The following TIAM1 variants were observed in gnomAD, a reference collection of about 807,000 sequenced individuals.
The protein encoded by TIAM1 is rho guanine nucleotide exchange factor TIAM1.
Under a neutral mutation model 163.5 loss-of-function variants are expected in TIAM1, and 65 were observed. That is an observed-to-expected ratio of 0.40 (90% confidence interval 0.33 to 0.49). TIAM1 has a LOEUF of 0.49. TIAM1 is among the 20% of genes least tolerant of loss of function. The pLI, the probability that TIAM1 is intolerant of heterozygous loss-of-function variation, is 0.77. For missense variants in TIAM1, 1,789 were observed against 2,044.7 expected, an observed-to-expected ratio of 0.87 and a Z score of 2.41; for synonymous variants, 833 against 810.1, an observed-to-expected ratio of 1.03 and a Z score of -0.48.
In TIAM1 at chr21:31,359,854, A is replaced by AAGGG. The variant is rs1491438372; in HGVS notation, c.-368-20433_-368-20432insCCCT. Reference sequence around the variant, plus strand: ...GAAGGAAGGAAGGAAGGAAGGAAGGAAGGAAGGAAGGGAGGGAGGGAGGAA... The same window carrying AAGGG: ...GAAGGAAGGAAGGAAGGAAGGAAGGAAGGGAGGAAGGAAGGGAGGGAGGGAGGAA... On this transcript the variant is annotated intron_variant, in intron 2 of 28. Coordinates refer to the TIAM1 transcript ENST00000286827. 8.6e-5 allele frequency among the ~76,000 whole-genome samples: 8 copies of AAGGG among 92,530 alleles called. No individual in the cohort carries two copies. The East Asian group carries it at 1.8e-3, about 21-fold the overall frequency. 60.7% of individuals were successfully genotyped at this position (92,530 alleles called of 152,430 possible). A position where few individuals can be genotyped will look rare whatever the true frequency, so the allele number is the denominator to read the frequency against.
intron 2 of TIAM1, among the ~76,000 whole-genome samples, chr21:31,458,228 T>A (rs958351571): frequency 3.9e-5 from 6 of 152,102 alleles, no homozygotes; most frequent in African/African-American, 1.4e-4. Flanking sequence ...AAGACCAGCC[T>A]AGCCAACATA....
intron 2 of TIAM1, among the ~76,000 whole-genome samples, chr21:31,447,914 G>A (rs1569339737): frequency 6.6e-6 from 1 of 152,186 alleles, no homozygotes; most frequent in Non-Finnish European, 1.5e-5. Flanking sequence ...GAGAGCAATG[G>A]TGGAGTTCCA....
At position 31,487,974 on chromosome 21, in the gene TIAM1, G is replaced by A. The variant is rs563385014; in HGVS notation, c.-421-23939C>T. On this transcript the variant is annotated intron_variant, in intron 1 of 28. Coordinates refer to the TIAM1 transcript ENST00000286827. ...CCCAAAGTGCTAGGATTACAGGCACGAGCCACTGCGCCCGGCCACTTGATC... is the reference window on the plus strand; with the variant it reads ...CCCAAAGTGCTAGGATTACAGGCACAAGCCACTGCGCCCGGCCACTTGATC... Among the ~76,000 whole-genome samples, 186 of 152,216 alleles carry A rather than the reference G, an allele frequency of 1.2e-3. 2 individuals are homozygous for A. Among genetic ancestry groups the A allele is most frequent in the African/African-American group, 4.1e-3 (171 of 41,534 alleles).
rs557905371 is a variant in TIAM1, at chr21:31,181,856, C to T, written c.2887+565G>A. Among the ~76,000 whole-genome samples the T allele has an allele frequency of 1.6e-3, 218 of 137,922 alleles. 1 individual carries two copies. The highest frequency in any genetic ancestry group is 2.0e-3 in the Non-Finnish European group (133 of 65,462). 90.5% of individuals were successfully genotyped at this position (137,922 alleles called of 152,430 possible). On this transcript the variant is annotated intron_variant, in intron 15 of 27. Coordinates refer to ENST00000541036, the MANE Select transcript of TIAM1 (RefSeq NM_001353694.2). ...CTGGAATGCAGCAGTGCAATCACAG[C>T]TTACTGCAGCCTCAAACTCCTGGGC...
At chr21:31,181,353 C>T (rs1326289017) in intron 15 of TIAM1, among the ~76,000 whole-genome samples, 1 of 152,008 alleles carries the variant, frequency 6.6e-6, no homozygotes, top group African/African-American at 2.4e-5. Context: ...CTAATGAGGG[C>T]CCATATGGAA....
intron 2 of TIAM1, among the ~76,000 whole-genome samples, chr21:31,388,246 C>A (rs926344320): frequency 1.1e-5 from 1 of 88,336 alleles, no homozygotes; most frequent in African/African-American, 4.1e-5. Flanking sequence ...CACACACACA[C>A]ACACACACAC....
At chr21:31,230,224 T>A (rs1033522868) in intron 6 of TIAM1, among the ~76,000 whole-genome samples, 10 of 152,198 alleles carry the variant, frequency 6.6e-5, no homozygotes, top group African/African-American at 1.2e-4. Context: ...GATAGAAAGA[T>A]CTGAAATTTC....
Position 31,153,047 on chromosome 21 carries a change from G to GA in TIAM1, c.3240+18dup. 6.2e-7 allele frequency: 1 copy of GA among 1,609,080 alleles called. No homozygotes were observed. The highest frequency in any genetic ancestry group is 8.5e-7 in the Non-Finnish European group (1 of 1,178,408). The stretch of plus-strand genomic sequence containing the variant: ...ACCACGGTATGATGGTCACAAAGTT[G>GA]AAACCATTTCCAGCATACCTCATCC... On this transcript the variant is annotated intron_variant, in intron 18 of 27. Coordinates refer to ENST00000541036, the MANE Select transcript of TIAM1 (RefSeq NM_001353694.2).
intron 2 of TIAM1, among the ~76,000 whole-genome samples, chr21:31,442,821 C>T (rs2147305628): frequency 6.6e-6 from 1 of 152,266 alleles, no homozygotes; most frequent in South Asian, 2.1e-4. Flanking sequence ...CTCTGGAATT[C>T]TGTATTTAAC....
intron 2 of TIAM1, among the ~76,000 whole-genome samples, chr21:31,376,018 C>T (rs1002428420): frequency 2.0e-5 from 3 of 146,764 alleles, no homozygotes; most frequent in Admixed American, 1.4e-4. Context: ...CACAGTGAGA[C>T]TCCACCTCAA....
chr21:31,278,916 T>C (rs1467623424), intron 2 of TIAM1, among the ~76,000 whole-genome samples: 1 of 152,166 alleles, frequency 6.6e-6, no homozygotes, highest in East Asian at 1.9e-4. Flanking sequence ...CAATAGCCCA[T>C]TTATGCTGAA....
intron 1 of TIAM1, among the ~76,000 whole-genome samples, chr21:31,520,630 T>C (rs1337807202): frequency 6.6e-6 from 1 of 152,234 alleles, no homozygotes; most frequent in East Asian, 1.9e-4. Flanking sequence ...TCCCCACTTC[T>C]GTAATATGAA....
intron 11 of TIAM1, 111 bp downstream of exon 11, chr21:31,209,934 G>A: frequency 8.3e-7 from 1 of 1,198,926 alleles, no homozygotes; most frequent in Non-Finnish European, 1.1e-6. Flanking sequence ...AGGGAGGTGT[G>A]TTTTAAGCAC....
At chr21:31,202,840 C>T (rs2086270465) in intron 12 of TIAM1, 68 bp downstream of exon 12, 1 of 1,437,810 alleles carries the variant, frequency 7.0e-7, no homozygotes, top group Admixed American at 1.8e-5. Flanking sequence ...CTACAATTAA[C>T]ACGAGAACAC....
intron 6 of TIAM1, among the ~76,000 whole-genome samples, chr21:31,232,941 A>T (rs1382323645): frequency 2.0e-5 from 3 of 151,842 alleles, no homozygotes; most frequent in Admixed American, 6.6e-5. Flanking sequence ...GGAATAAGCA[A>T]AGTTCTTGCC....
chr21:31,254,150 T>C (rs1454547113), intron 4 of TIAM1, among the ~76,000 whole-genome samples: 1 of 152,224 alleles, frequency 6.6e-6, no homozygotes, highest in Non-Finnish European at 1.5e-5. Context: ...GTAACATCCC[T>C]ATTCCATAAG....
chr21:31,136,077 G>A, intron 22 of TIAM1, 36 bp from the exon 23 acceptor site: 1 of 1,554,516 alleles, frequency 6.4e-7, no homozygotes, highest in Non-Finnish European at 8.8e-7. Context: ...TTACTGGGTG[G>A]TGTTATCAAT....
intron 2 of TIAM1, among the ~76,000 whole-genome samples, chr21:31,317,687 G>A (rs2075173467): frequency 6.6e-6 from 1 of 152,152 alleles, no homozygotes; most frequent in Non-Finnish European, 1.5e-5. Context: ...AGCTGAGGCA[G>A]AAGAATCCCT....
intron 1 of TIAM1, among the ~76,000 whole-genome samples, chr21:31,558,704 G>C (rs1569433910): frequency 6.6e-6 from 1 of 152,084 alleles, no homozygotes; most frequent in Non-Finnish European, 1.5e-5. Flanking sequence ...GCCTCCTCCT[G>C]CCTCTCCTCC....
Sources: allele counts gnomAD v4.1 joint callset (sites outside exome capture counted in the v4.1 genomes callset), GRCh38; gene constraint gnomAD v4.1.1; transcripts MANE v1.5; gene names NCBI Gene and HGNC (gene_info 2026-07-23, HGNC 2026-07-21).